Variants in PAMR1 observed in about 807,000 individuals in gnomAD.
The protein encoded by PAMR1 is peptidase domain containing associated with muscle regeneration 1.
PAMR1 carries 88 observed loss-of-function variants against 81.8 expected under a neutral mutation model. The ratio of observed to expected loss-of-function variants is 1.08; its 90% confidence interval spans 0.91 to 1.28. The LOEUF (loss-of-function observed/expected upper bound fraction) is 1.28, where lower values mean the gene tolerates loss of function less well. PAMR1 is among the 50% of genes most tolerant of loss of function. PAMR1 has a pLI of 0.00. For synonymous variants in PAMR1, 336 were observed against 345.3 expected (o/e 0.97, Z 0.30); for missense variants, 935 against 919.7 (o/e 1.02, Z -0.21).
intron 1 of PAMR1, among the ~76,000 whole-genome samples, chr11:35,511,163 G>A (rs1283933948): frequency 6.6e-6 from 1 of 152,142 alleles, no homozygotes; most frequent in Non-Finnish European, 1.5e-5. Context: ...TCATCATCTT[G>A]CACAGCCCCT....
At chr11:35,469,994 A>G (rs977635482) in intron 5 of PAMR1, among the ~76,000 whole-genome samples, 1 of 152,202 alleles carries the variant, frequency 6.6e-6, no homozygotes, top group Non-Finnish European at 1.5e-5. Context: ...AGTCAATGAC[A>G]TTTACCATTA....
At chr11:35,528,512 A>T (rs1273154802), upstream of PAMR1, among the ~76,000 whole-genome samples, 2 of 152,182 alleles carry the variant, frequency 1.3e-5, no homozygotes, top group Admixed American at 1.3e-4. Context: ...AATTCTAACC[A>T]TCTCTTTGAG....
intron 1 of PAMR1, among the ~76,000 whole-genome samples, chr11:35,494,991 G>C: frequency 8.1e-6 from 1 of 123,678 alleles, no homozygotes; most frequent in South Asian, 2.2e-4. Context: ...CACTGTTTAC[G>C]ACTACATAGG....
intron 6 of PAMR1, among the ~76,000 whole-genome samples, chr11:35,465,595 A>G (rs1175914820): frequency 6.6e-6 from 1 of 152,246 alleles, no homozygotes; most frequent in East Asian, 1.9e-4. Flanking sequence ...GTTGATACTC[A>G]TGCCAAATTT....
intron 1 of PAMR1, among the ~76,000 whole-genome samples, chr11:35,518,189 T>G (rs966224662): frequency 2.2e-4 from 31 of 140,476 alleles, no homozygotes; most frequent in African/African-American, 7.5e-4. Flanking sequence ...CAAAAAGTGT[T>G]GTAATGAGGA....
rs769239793 is a variant in PAMR1, at chr11:35,439,667, G to C, written c.1060C>G (p.Leu354Val). ...ATCGGAAGAACTCTCCTTCTCACCA[G>C]GTCTGAAATCTTTGGTTCTCGGCAG... is the stretch of plus-strand genomic sequence containing the variant. Reference protein sequence around the residue: ...KACREPKISDLVRRRVLPMQV... With the variant: ...KACREPKISDVVRRRVLPMQV... The change falls in exon 8 of 11, where the codon CTG (leucine) becomes GTG (valine). Residue 354 changes from leucine to valine, a missense_variant. Transcript: ENST00000619888. 129 of 1,613,816 alleles carry C rather than the reference G, an allele frequency of 8.0e-5. No homozygotes were observed. The East Asian group carries it at 2.8e-3, about 35-fold the overall frequency.
intron 6 of PAMR1, among the ~76,000 whole-genome samples, chr11:35,452,140 A>T (rs765075209): frequency 1.3e-4 from 20 of 152,266 alleles, no homozygotes; most frequent in Non-Finnish European, 2.6e-4. Flanking sequence ...AGGAAATAAA[A>T]CAAGATTGAG....
intron 6 of PAMR1, 34 bp from the exon 7 acceptor site, chr11:35,441,727 A>G (rs776910564): frequency 6.9e-7 from 1 of 1,443,284 alleles, no homozygotes; most frequent in Non-Finnish European, 9.6e-7. Context: ...AGAATTGTTA[A>G]AAGTCTGAGT....
intron 1 of PAMR1, among the ~76,000 whole-genome samples, chr11:35,514,545 C>T (rs186858115): frequency 6.6e-6 from 1 of 152,332 alleles, no homozygotes; most frequent in East Asian, 1.9e-4. Context: ...AAGGTGCCCC[C>T]AGTTGCCATT....
At chr11:35,529,883 C>T (rs554081272), upstream of PAMR1, 1 of 152,308 alleles carries the variant, frequency 6.6e-6, no homozygotes, top group African/African-American at 2.4e-5. Flanking sequence ...TCAGGCCACC[C>T]ATTTAATTAC....
At chr11:35,445,732 G>A (rs940610659) in intron 6 of PAMR1, among the ~76,000 whole-genome samples, 3 of 152,160 alleles carry the variant, frequency 2.0e-5, no homozygotes, top group Non-Finnish European at 4.4e-5. Flanking sequence ...GATTTGGTTT[G>A]CCAGTATTTT....
At chr11:35,462,020 C>A (rs1358894269) in intron 6 of PAMR1, among the ~76,000 whole-genome samples, 1 of 149,998 alleles carries the variant, frequency 6.7e-6, no homozygotes, top group Non-Finnish European at 1.5e-5. Context: ...CAAAATGTTA[C>A]TCTGAAGTCT....
chr11:35,462,927 A>T (rs973552856), intron 6 of PAMR1, among the ~76,000 whole-genome samples: 8 of 152,176 alleles, frequency 5.3e-5, no homozygotes, highest in Non-Finnish European at 1.0e-4. Context: ...CTGTGTATTA[A>T]GGATAAGAGA....
intron 3 of PAMR1, among the ~76,000 whole-genome samples, chr11:35,480,674 C>T (rs1235118561): frequency 6.6e-6 from 1 of 152,140 alleles, no homozygotes; most frequent in Non-Finnish European, 1.5e-5. Flanking sequence ...TCAAATCTCT[C>T]CTGAATTTCT....
At chr11:35,451,542 TTGA>T (rs1158403608) in intron 6 of PAMR1, among the ~76,000 whole-genome samples, 1 of 152,222 alleles carries the variant, frequency 6.6e-6, no homozygotes, top group Non-Finnish European at 1.5e-5. Context: ...CAACTTTAAC[TTGA>T]TGAGATCTTA....
rs1223550818 is a variant in PAMR1 at position 35,451,794 on chromosome 11, G to A, written c.821-10101C>T. ...GGTGGAGCCCTCATGAACGAGATTAGTGACTTTGTAAAAAAGAACCCAGAG... is the reference window on the plus strand; with the variant it reads ...GGTGGAGCCCTCATGAACGAGATTAATGACTTTGTAAAAAAGAACCCAGAG... On this transcript the variant is annotated intron_variant, in intron 6 of 10. Coordinates refer to ENST00000619888, the MANE Select transcript of PAMR1 (RefSeq NM_001001991.3). The A allele has an allele frequency of 1.8e-5, 11 of 607,498 alleles. No individual in the cohort carries two copies. The Admixed American group carries it at 2.9e-4, about 16-fold the overall frequency. The allele number at this position is 607,498 out of a possible 1,614,324, so 37.6% of individuals were successfully genotyped here.
At chr11:35,478,769 T>G (rs924993407) in intron 3 of PAMR1, among the ~76,000 whole-genome samples, 1 of 152,206 alleles carries the variant, frequency 6.6e-6, no homozygotes, top group Non-Finnish European at 1.5e-5. Flanking sequence ...GCAAAGAGCC[T>G]GGAAGATGTG....
intron 1 of PAMR1, among the ~76,000 whole-genome samples, chr11:35,504,772 A>C (rs541826349): frequency 6.7e-6 from 1 of 149,850 alleles, no homozygotes; most frequent in Non-Finnish European, 1.5e-5. Context: ...CTTTTTTTTA[A>C]TTTTAGCTAA....
intron 7 of PAMR1, 62 bp from the exon 8 acceptor site, chr11:35,439,755 G>T: frequency 7.0e-7 from 1 of 1,422,634 alleles, no homozygotes; most frequent in Non-Finnish European, 9.9e-7. Flanking sequence ...ATATCATTCA[G>T]TTCAGATTCA....
Sources: allele counts gnomAD v4.1 joint callset (sites outside exome capture counted in the v4.1 genomes callset), GRCh38; gene constraint gnomAD v4.1.1; transcripts MANE v1.5; gene names NCBI Gene and HGNC (gene_info 2026-07-23, HGNC 2026-07-21).